CELSR1: variants seen among roughly 807,000 people sequenced by gnomAD.
CELSR1 encodes cadherin EGF LAG seven-pass G-type receptor 1.
CELSR1 carries 110 observed loss-of-function variants against 249.1 expected under a neutral mutation model. The ratio of observed to expected loss-of-function variants is 0.44; its 90% CI spans 0.38 to 0.52. The LOEUF is 0.52. Ranked by LOEUF, CELSR1 falls within the 20% of genes least tolerant of loss-of-function variation. The pLI, the probability that CELSR1 is intolerant of heterozygous loss-of-function variation, is 0.00. For synonymous variants in CELSR1, 2,113 were observed against 1,900.0 expected, an observed-to-expected ratio of 1.11 and a Z score of -2.92; for missense variants, 4,109 against 4,296.4, an observed-to-expected ratio of 0.96 and a Z score of 1.22.
rs574635399 is a variant in CELSR1, at chr22:46,374,125, T to C, written c.7585-1068A>G. 1.3e-5 allele frequency among the ~76,000 whole-genome samples: 2 copies of C among 149,812 alleles called. No individual in the cohort carries two copies. Among genetic ancestry groups the C allele is most frequent in the African/African-American group, 5.1e-5 (2 of 39,258 alleles). On this transcript the variant is annotated intron_variant, in intron 24 of 34. Transcript: ENST00000674500. This position sits in a 1 kb window ranked among gnomAD's most constrained non-coding sequence, Gnocchi z 4.3. ...TCAAGTTATGCCAGAGACAGGCCCT[T>C]TGCCTCAGACTGTGGCCTCGGTCAG...
chr22:46,435,736 C>T lies in CELSR1; in HGVS notation c.4522+438G>A, dbSNP rs1173702521. The stretch of plus-strand genomic sequence containing the variant: ...TTATTTTTTGAGACAGAGTCTCACT[C>T]CGTCACCAGGCTGGGGTGCAGTGGC... On this transcript the variant is annotated intron_variant, in intron 4 of 34. Coordinates refer to ENST00000674500, the MANE Select transcript of CELSR1 (RefSeq NM_001378328.1). 3.3e-5 allele frequency among the ~76,000 whole-genome samples: 5 copies of T among 152,198 alleles called. No homozygotes were observed. The East Asian group carries it at 9.8e-4, about 30-fold the overall frequency.
intron 2 of CELSR1, among the ~76,000 whole-genome samples, chr22:46,444,863 C>A (rs1054620492): frequency 2.6e-5 from 4 of 152,196 alleles, no homozygotes; most frequent in Non-Finnish European, 4.4e-5. Flanking sequence ...TCTCTCCAAT[C>A]TCTGCTCTGT....
Position 46,452,958 on chromosome 22 carries a change from A to C in CELSR1, c.4183+10749T>G, listed in dbSNP as rs547093192. On this transcript the variant is annotated intron_variant, in intron 2 of 34. Transcript: ENST00000674500. The stretch of plus-strand genomic sequence containing the variant: ...CTGGAAACAGCCTTGTCCAGGGAGG[A>C]TAGAGTTGAGTGGGGACATTCAGGT... Among the ~76,000 whole-genome samples, 29 of 152,272 alleles carry C rather than the reference A, an allele frequency of 1.9e-4. No individual in the cohort carries two copies. In the South Asian group the frequency reaches 6.0e-3, roughly 32 times the overall value.
At chr22:46,369,315 T>G in intron 26 of CELSR1, 57 bp from the exon 27 acceptor site, 2 of 1,447,898 alleles carry the variant, frequency 1.4e-6, no homozygotes, top group Non-Finnish European at 1.9e-6. Context: ...GACCTCCAAC[T>G]GCCAAAAGCG....
At position 46,441,930 on chromosome 22, in the gene CELSR1, C is replaced by T. The variant is rs1252795121; in HGVS notation, c.4184-2519G>A. On this transcript the variant is annotated intron_variant, in intron 2 of 34. Transcript: ENST00000674500. This position sits in a 1 kb window ranked among gnomAD's most constrained non-coding sequence, Gnocchi z 6.1. Reference sequence around the variant, plus strand: ...TGGGGAGGCTGAGGCGGGTAGATTACCAGAGGTCGAGAGTTCAAGACCAGC... The same window carrying T: ...TGGGGAGGCTGAGGCGGGTAGATTATCAGAGGTCGAGAGTTCAAGACCAGC... Among the ~76,000 whole-genome samples the T allele has an allele frequency of 6.6e-6, 1 of 152,132 alleles. No homozygotes were observed. Among genetic ancestry groups the T allele is most frequent in the African/African-American group, 2.4e-5 (1 of 41,426 alleles).
chr22:46,363,777 G>C lies in CELSR1; in HGVS notation c.9035+219C>G. 1.6e-6 allele frequency: 1 copy of C among 614,374 alleles called. No individual in the cohort carries two copies. The highest frequency in any genetic ancestry group is 2.7e-6 in the Non-Finnish European group (1 of 368,792). 38.1% of individuals were successfully genotyped at this position (614,374 alleles called of 1,614,324 possible). A position where few individuals can be genotyped will look rare whatever the true frequency, so the allele number is the denominator to read the frequency against. On this transcript the variant is annotated intron_variant, in intron 34 of 34. Transcript: ENST00000674500. The surrounding 1 kb of genome is among the most constrained non-coding windows in gnomAD (Gnocchi z 4.3). The stretch of plus-strand genomic sequence containing the variant: ...CAGGGCTTCAGAGTCCCAGAGGCCT[G>C]AGACGTGTCCCCAGGATAGGGGGTC...
At position 46,382,011 on chromosome 22, in the gene CELSR1, G is replaced by A. The variant is rs765331834; in HGVS notation, c.6923C>T (p.Pro2308Leu). Residue 2308 changes from proline to leucine, a missense_variant, in exon 21 of 35, where the codon CCG (proline) becomes CTG (leucine). By Grantham distance (98) the Pro-to-Leu change is moderately conservative. Coordinates refer to ENST00000674500, the MANE Select transcript of CELSR1 (RefSeq NM_001378328.1). ...LLRPAGRRTT[P>L]QTTRPGPGTE... ...GCCAGGCCCCGGGCGCGTGGTCTGCGGGGTGGTCCTCCGGCCAGCCGGCCT... is the reference window on the plus strand; with the variant it reads ...GCCAGGCCCCGGGCGCGTGGTCTGCAGGGTGGTCCTCCGGCCAGCCGGCCT... The A allele has an allele frequency of 8.4e-5, 131 of 1,559,218 alleles. No individual in the cohort carries two copies. The highest frequency in any genetic ancestry group is 2.4e-4 in the East Asian group (10 of 41,782).
In CELSR1 at chr22:46,389,167, T is replaced by C. The variant is rs1196903477; in HGVS notation, c.6555+123A>G. 23 of 1,074,458 alleles carry C rather than the reference T, an allele frequency of 2.1e-5. No individual in the cohort carries two copies. The Admixed American group carries it at 3.5e-4, about 16-fold the overall frequency. 66.6% of individuals were successfully genotyped at this position (1,074,458 alleles called of 1,614,324 possible). On this transcript the variant is annotated intron_variant, in intron 18 of 34. Transcript: ENST00000674500. ...AGGGCTCACATTTGAGAAATGAGGA[T>C]GGGGATCCTGGACACAACCGTCTTC...
In CELSR1 at chr22:46,411,323, C is replaced by T. The variant is rs948815648; in HGVS notation, c.4769+279G>A. The stretch of plus-strand genomic sequence containing the variant: ...ATTTGCGGGGACAAAGCCAGTGATC[C>T]GTGGAGATGGGGCTGGAGACCGTCT... On this transcript the variant is annotated intron_variant, in intron 6 of 34. Coordinates refer to ENST00000674500, the MANE Select transcript of CELSR1 (RefSeq NM_001378328.1). This position sits in a 1 kb window ranked among gnomAD's most constrained non-coding sequence, Gnocchi z 4.2. Among the ~76,000 whole-genome samples, 7 of 152,136 alleles carry T rather than the reference C, an allele frequency of 4.6e-5. No homozygotes were observed. Among genetic ancestry groups the T allele is most frequent in the Admixed American group, 3.3e-4 (5 of 15,278 alleles).
chr22:46,469,032 C>A (rs568080131), intron 1 of CELSR1, among the ~76,000 whole-genome samples: 1 of 151,972 alleles, frequency 6.6e-6, no homozygotes, highest in African/African-American at 2.4e-5. Context: ...GCCAAGATTG[C>A]GCCACTGCAC....
At position 46,407,931 on chromosome 22, in the gene CELSR1, CAGGCAGAGGGGCA is replaced by C. The variant is rs1478917894; in HGVS notation, c.5226+1052_5226+1064del. Among the ~76,000 whole-genome samples the C allele has an allele frequency of 2.0e-5, 3 of 152,216 alleles. No homozygotes were observed. The highest frequency in any genetic ancestry group is 4.4e-5 in the Non-Finnish European group (3 of 68,046). ...CAGACGAGAATGACCTTCAGATGCA[CAGGCAGAGGGGCA>C]AGAGGGCAAGCCGAGGGCCGGGCAC... On this transcript the variant is annotated intron_variant, in intron 9 of 34. Transcript: ENST00000674500. This position sits in a 1 kb window ranked among gnomAD's most constrained non-coding sequence, Gnocchi z 4.8.
At chr22:46,376,399 C>T (rs1444006271) in intron 24 of CELSR1, among the ~76,000 whole-genome samples, 1 of 152,128 alleles carries the variant, frequency 6.6e-6, no homozygotes, top group Non-Finnish European at 1.5e-5. Context: ...TGTTTTGAGA[C>T]AGTCTCGCTC....
At position 46,390,911 on chromosome 22, in the gene CELSR1, C is replaced by A. The variant is rs8138290; in HGVS notation, c.6250+275G>T. On this transcript the variant is annotated intron_variant, in intron 16 of 34. Coordinates refer to ENST00000674500, the MANE Select transcript of CELSR1 (RefSeq NM_001378328.1). The surrounding 1 kb of genome is among the most constrained non-coding windows in gnomAD (Gnocchi z 6.3). ...CCCGATGCTATGAACAGTGAAGCCA[C>A]TTGTCCCGGTGCCCCAGCCTGAGCG... is the stretch of plus-strand genomic sequence containing the variant. Among the ~76,000 whole-genome samples, 6,837 of 152,342 alleles carry A rather than the reference C, an allele frequency of 0.045. 207 individuals are homozygous for A. Among genetic ancestry groups the A allele is most frequent in the Non-Finnish European group, 0.069 (4,664 of 68,024 alleles).
rs920904102 is a variant in CELSR1, at chr22:46,446,345, C to T, written c.4184-6934G>A. Among the ~76,000 whole-genome samples the T allele has an allele frequency of 6.6e-6, 1 of 152,186 alleles. No homozygotes were observed. Among genetic ancestry groups the T allele is most frequent in the Non-Finnish European group, 1.5e-5 (1 of 68,036 alleles). ...CGAGCACTCTCCCTCTGGGGAAGCT[C>T]GGGCCACCTGCCTGCTTAGGGTGAC... On this transcript the variant is annotated intron_variant, in intron 2 of 34. Transcript: ENST00000674500. The surrounding 1 kb of genome is among the most constrained non-coding windows in gnomAD (Gnocchi z 5.5).
At position 46,437,107 on chromosome 22, in the gene CELSR1, C is replaced by T. The variant is rs1430637447; in HGVS notation, c.4407-818G>A. Among the ~76,000 whole-genome samples the T allele has an allele frequency of 6.6e-6, 1 of 152,196 alleles. No individual in the cohort carries two copies. The highest frequency in any genetic ancestry group is 1.5e-5 in the Non-Finnish European group (1 of 68,028). On this transcript the variant is annotated intron_variant, in intron 3 of 34. Transcript: ENST00000674500. The surrounding 1 kb of genome is among the most constrained non-coding windows in gnomAD (Gnocchi z 4.9). ...AATAAATGAAAGGAAGAGGCATGAA[C>T]AGACGCCTGAACATGAACAGGCCTG...
Position 46,363,094 on chromosome 22 carries a change from C to T in CELSR1, c.*129G>A, listed in dbSNP as rs186921807. On this transcript the variant is annotated 3_prime_UTR_variant, in exon 35 of 35. Transcript: ENST00000674500. The surrounding 1 kb of genome is among the most constrained non-coding windows in gnomAD (Gnocchi z 4.3). ...ACCATGGGGACCGCCACACTCTGGG[C>T]CCACTCCACTTCAAGGGCAGTGGCC... 309 of 1,590,916 alleles carry T rather than the reference C, an allele frequency of 1.9e-4. No individual in the cohort carries two copies. The African/African-American group carries it at 3.2e-3, about 17-fold the overall frequency.
At chr22:46,524,569 T>TGC (rs1419376985) in intron 1 of CELSR1, among the ~76,000 whole-genome samples, 30 of 56,252 alleles carry the variant, frequency 5.3e-4, no homozygotes, top group Non-Finnish European at 1.4e-3. Flanking sequence ...TGTGTGTGTG[T>TGC]GTCTGTCTGT....
At chr22:46,432,341 A>C (rs976553529) in intron 5 of CELSR1, among the ~76,000 whole-genome samples, 4 of 152,216 alleles carry the variant, frequency 2.6e-5, no homozygotes, top group Non-Finnish European at 5.9e-5. Flanking sequence ...CTGTGAAAGA[A>C]GGAAGATGCT....
intron 1 of CELSR1, among the ~76,000 whole-genome samples, chr22:46,474,355 C>G (rs2080185320): frequency 6.6e-6 from 1 of 152,114 alleles, no homozygotes; most frequent in Non-Finnish European, 1.5e-5. Flanking sequence ...TGTAACCCCA[C>G]CACTGCCATC....
Sources: gnomAD v4.1 joint callset for allele counts (sites outside exome capture counted in the v4.1 genomes callset) on GRCh38, gnomAD v4.1.1 for gene constraint, Gnocchi (gnomAD v3.1) non-coding constraint, MANE v1.5 for transcripts, NCBI Gene and HGNC (gene_info 2026-07-23, HGNC 2026-07-21) for gene names.